CSMD2: variants seen among roughly 807,000 people sequenced by gnomAD.
CSMD2 encodes the protein CUB and sushi domain-containing protein 2.
CSMD2 carries 130 observed loss-of-function variants against 398.5 expected under a neutral mutation model. The ratio of observed to expected loss-of-function variants is 0.33; its 90% CI spans 0.28 to 0.38. The LOEUF is 0.38. Ranked by LOEUF, CSMD2 falls within the 10% of genes least tolerant of loss-of-function variation. CSMD2 has a pLI of 1.00. For missense variants in CSMD2, 3,829 were observed against 4,764.9 expected (o/e 0.80, Z 5.78); for synonymous variants, 1,828 against 1,908.5 (o/e 0.96, Z 1.10).
intron 3 of CSMD2, among the ~76,000 whole-genome samples, chr1:33,949,471 C>T (rs898247680): frequency 6.6e-6 from 1 of 152,200 alleles, no homozygotes; most frequent in Admixed American, 6.5e-5. Flanking sequence ...ATTCTAAAGA[C>T]CTCCCGTACA....
At chr1:33,825,801 A>G in intron 6 of CSMD2, 27 bp from the exon 7 acceptor site, 2 of 1,592,712 alleles carry the variant, frequency 1.3e-6, no homozygotes, top group Non-Finnish European at 1.7e-6. Context: ...AGGAAAAACA[A>G]TGTGAGTTGT....
At chr1:33,600,767 T>C in intron 44 of CSMD2, 98 bp downstream of exon 44, 2 of 1,279,886 alleles carry the variant, frequency 1.6e-6, no homozygotes, top group Non-Finnish European at 2.2e-6. Flanking sequence ...TACAACTCAC[T>C]CAAGGTCACA....
intron 5 of CSMD2, among the ~76,000 whole-genome samples, chr1:33,908,859 G>C (rs941265576): frequency 6.6e-6 from 1 of 152,224 alleles, no homozygotes. Flanking sequence ...AGATACAGGA[G>C]ACGAGATTTT....
At chr1:33,896,677 C>A (rs1423866804) in intron 5 of CSMD2, among the ~76,000 whole-genome samples, 1 of 152,130 alleles carries the variant, frequency 6.6e-6, no homozygotes, top group Admixed American at 6.5e-5. Flanking sequence ...ATGAGCTAGG[C>A]ACACTTTGAA....
chr1:33,796,366 G>T (rs1042060555), intron 10 of CSMD2, among the ~76,000 whole-genome samples: 4 of 152,190 alleles, frequency 2.6e-5, no homozygotes, highest in African/African-American at 7.2e-5. Flanking sequence ...AAATTGTGAA[G>T]ATTTCATTTT....
intron 7 of CSMD2, among the ~76,000 whole-genome samples, chr1:33,824,568 T>A (rs1163704394): frequency 6.6e-6 from 1 of 152,024 alleles, no homozygotes; most frequent in African/African-American, 2.4e-5. Flanking sequence ...GCCACACACA[T>A]CGGCACAGAG....
intron 57 of CSMD2, among the ~76,000 whole-genome samples, chr1:33,544,810 CCTGA>C (rs1656713668): frequency 6.9e-6 from 1 of 145,836 alleles, no homozygotes; most frequent in Non-Finnish European, 1.5e-5. Flanking sequence ...CTGTAAATGC[CCTGA>C]CTTGACCACT....
intron 6 of CSMD2, among the ~76,000 whole-genome samples, chr1:33,843,704 T>G (rs535534351): frequency 3.3e-5 from 5 of 152,318 alleles, no homozygotes; most frequent in African/African-American, 1.2e-4. Context: ...GGGCCTCTGT[T>G]TCCTTGCTCT....
chr1:33,663,400 C>T lies in CSMD2; in HGVS notation c.4053-308G>A, dbSNP rs116297618. On this transcript the variant is annotated intron_variant, in intron 25 of 70. Transcript: ENST00000373381. Reference sequence around the variant, plus strand: ...TCCCTCTCCTCAACCTTACATAGCCCGCAGACCTCTCCCTGAGCCCATATT... The same window carrying T: ...TCCCTCTCCTCAACCTTACATAGCCTGCAGACCTCTCCCTGAGCCCATATT... 5.4e-3 allele frequency among the ~76,000 whole-genome samples: 817 copies of T among 152,144 alleles called. 4 individuals carry two copies. Among genetic ancestry groups the T allele is most frequent in the Non-Finnish European group, 8.1e-3 (553 of 68,000 alleles).
intron 2 of CSMD2, among the ~76,000 whole-genome samples, chr1:34,071,810 C>A (rs938364771): frequency 2.0e-5 from 3 of 152,262 alleles, no homozygotes; most frequent in Admixed American, 1.3e-4. Context: ...ATTGCTGAAA[C>A]AGCCAAGAGC....
intron 3 of CSMD2, among the ~76,000 whole-genome samples, chr1:34,015,297 C>A (rs989336704): frequency 1.3e-5 from 2 of 152,180 alleles, no homozygotes; most frequent in East Asian, 1.9e-4. Context: ...TATGCTCATA[C>A]CCCTATTTTA....
At chr1:33,629,350 G>A (rs908225595) in intron 32 of CSMD2, among the ~76,000 whole-genome samples, 4 of 152,210 alleles carry the variant, frequency 2.6e-5, no homozygotes, top group Admixed American at 1.3e-4. Context: ...AAACAAAAGC[G>A]CAGAAAGAAC....
intron 25 of CSMD2, among the ~76,000 whole-genome samples, chr1:33,690,501 TATA>T (rs1336193572): frequency 6.6e-6 from 1 of 152,212 alleles, no homozygotes; most frequent in African/African-American, 2.4e-5. Flanking sequence ...CATTCATTTA[TATA>T]ATGCCAGCAT....
chr1:33,574,985 GC>G (rs1343447617), intron 49 of CSMD2, among the ~76,000 whole-genome samples: 1 of 152,216 alleles, frequency 6.6e-6, no homozygotes, highest in Non-Finnish European at 1.5e-5. Flanking sequence ...CTTCTCACAG[GC>G]CCTGGCCTGG....
intron 57 of CSMD2, among the ~76,000 whole-genome samples, chr1:33,544,364 G>A (rs1208932494): frequency 3.5e-4 from 52 of 149,502 alleles, no homozygotes; most frequent in Admixed American, 6.7e-5. Context: ...TGATCCACCC[G>A]CCTCGGCCTC....
chr1:33,526,601 G>A (rs1051719231), intron 65 of CSMD2, among the ~76,000 whole-genome samples: 5 of 152,230 alleles, frequency 3.3e-5, no homozygotes, highest in African/African-American at 1.2e-4. Context: ...AAGCTTAAGA[G>A]GCGAAGCTCA....
At chr1:33,812,021 C>G (rs1656920568) in intron 9 of CSMD2, among the ~76,000 whole-genome samples, 1 of 152,142 alleles carries the variant, frequency 6.6e-6, no homozygotes, top group African/African-American at 2.4e-5. Context: ...CCATGATAAA[C>G]CTTTCCCAGG....
At chr1:33,992,398 A>T (rs1257484419) in intron 3 of CSMD2, among the ~76,000 whole-genome samples, 1 of 151,860 alleles carries the variant, frequency 6.6e-6, no homozygotes, top group Non-Finnish European at 1.5e-5. Context: ...AGTAGAGATG[A>T]GGTTTTGCCA....
chr1:34,056,713 GT>G (rs35409569), intron 2 of CSMD2, among the ~76,000 whole-genome samples: 63,551 of 152,084 alleles, frequency 0.42, 13,953 homozygotes, highest in African/African-American at 0.54. Flanking sequence ...TTCAGCACCT[GT>G]TTAGCTATAT....
Sources: gnomAD v4.1 joint callset for allele counts (sites outside exome capture counted in the v4.1 genomes callset) on GRCh38, gnomAD v4.1.1 for gene constraint, MANE v1.5 for transcripts, NCBI Gene and HGNC (gene_info 2026-07-23, HGNC 2026-07-21) for gene names.